SPRY3: variants seen among roughly 807,000 people sequenced by gnomAD.
The protein encoded by SPRY3 is sprouty RTK signaling antagonist 3.
A neutral mutation model predicts 20.2 loss-of-function variants in SPRY3; 15 were observed. The ratio of observed to expected loss-of-function variants is 0.74; its 90% confidence interval spans 0.50 to 1.14. The LOEUF (loss-of-function observed/expected upper bound fraction) is 1.14, where lower values mean the gene tolerates loss of function less well. Ranked by LOEUF, SPRY3 falls within the 50% of genes most tolerant of loss-of-function variation. SPRY3 has a pLI of 0.00. For synonymous variants in SPRY3, 143 were observed against 136.5 expected (o/e 1.05, Z -0.33); for missense variants, 364 against 363.9 (o/e 1.00, Z 0.00).
At chrX:155,775,399 T>C (rs1039330799) in exon 4 of SPRY3, 2 of 167,470 alleles carry the variant, frequency 1.2e-5, no homozygotes, top group African/African-American at 2.4e-5. Flanking sequence ...TTTGTCTCTC[T>C]CTACCTGTCC....
At chrX:155,774,185 C>A in exon 4 of SPRY3, 1 of 1,614,008 alleles carries the variant, frequency 6.2e-7, no homozygotes, top group African/African-American at 1.3e-5. Flanking sequence ...AGCATTACAC[C>A]CTCACCTTCA....
At chrX:155,656,493 T>C (rs113987017) in intron 1 of SPRY3, among the ~76,000 whole-genome samples, 2,123 of 111,060 alleles carry the variant, frequency 0.019, 54 homozygotes, top group African/African-American at 0.067. Context: ...TAGCAGTTCC[T>C]GTAACCTTTT....
At chrX:155,632,326 G>T (rs6567767) in intron 1 of SPRY3, among the ~76,000 whole-genome samples, 1,852 of 110,453 alleles carry the variant, frequency 0.017, 49 homozygotes, top group African/African-American at 0.058. Flanking sequence ...TTAGTGAGAA[G>T]AGCACCACTG....
At chrX:155,760,968 A>G (rs1172416710) in intron 2 of SPRY3, among the ~76,000 whole-genome samples, 1 of 152,078 alleles carries the variant, frequency 6.6e-6, no homozygotes, top group Non-Finnish European at 1.5e-5. Flanking sequence ...TTTGTCTCTA[A>G]TATTGAATGC....
chrX:155,772,426 C>G (rs1262980325), intron 3 of SPRY3, among the ~76,000 whole-genome samples: 3 of 152,116 alleles, frequency 2.0e-5, no homozygotes, highest in Non-Finnish European at 4.4e-5. Flanking sequence ...TTGTTCATTT[C>G]TATTACTCAT....
At chrX:155,635,506 C>G (rs1345774821) in intron 1 of SPRY3, among the ~76,000 whole-genome samples, 2 of 111,343 alleles carry the variant, frequency 1.8e-5, no homozygotes, top group Non-Finnish European at 3.8e-5. Flanking sequence ...AGAACTTAAA[C>G]AAATTTACAT....
chrX:155,705,868 A>G (rs1174723353), intron 2 of SPRY3, among the ~76,000 whole-genome samples: 1 of 151,454 alleles, frequency 6.6e-6, no homozygotes, highest in Non-Finnish European at 1.5e-5. Flanking sequence ...AGCACATAGT[A>G]TATGAAGCAC....
chrX:155,763,690 C>CCATGTGAATTCCTT (rs2091313303), intron 2 of SPRY3, among the ~76,000 whole-genome samples: 2 of 152,252 alleles, frequency 1.3e-5, no homozygotes, highest in East Asian at 3.9e-4. Flanking sequence ...ATCCAGATTT[C>CCATGTGAATTCCTT]CATGTGAATT....
intron 2 of SPRY3, among the ~76,000 whole-genome samples, chrX:155,766,916 A>G (rs1200489652): frequency 1.3e-5 from 2 of 152,166 alleles, no homozygotes; most frequent in Admixed American, 1.3e-4. Flanking sequence ...CACATGAGGA[A>G]GAGGTGGGAG....
intron 2 of SPRY3, among the ~76,000 whole-genome samples, chrX:155,681,972 T>C (rs2068075178): frequency 8.9e-6 from 1 of 112,574 alleles, no homozygotes; most frequent in East Asian, 2.8e-4. Flanking sequence ...CTGATAAAAG[T>C]GGTTACACTA....
intron 2 of SPRY3, among the ~76,000 whole-genome samples, chrX:155,741,568 C>T (rs1372597683): frequency 6.6e-6 from 1 of 151,892 alleles, no homozygotes; most frequent in Non-Finnish European, 1.5e-5. Flanking sequence ...TCTCCAAGGT[C>T]AAAATGAGAG....
At chrX:155,705,889 T>G (rs1320713626) in intron 2 of SPRY3, among the ~76,000 whole-genome samples, 1 of 151,378 alleles carries the variant, frequency 6.6e-6, no homozygotes, top group Non-Finnish European at 1.5e-5. Context: ...TTTAAATTAC[T>G]GAAATTGAAG....
chrX:155,753,718 A>G (rs778179806), intron 2 of SPRY3, among the ~76,000 whole-genome samples: 2 of 152,092 alleles, frequency 1.3e-5, no homozygotes, highest in Admixed American at 6.6e-5. Context: ...CCAGCAGTGT[A>G]TGAGGCTTCC....
chrX:155,764,909 T>C (rs185552775), intron 2 of SPRY3, among the ~76,000 whole-genome samples: 1 of 152,320 alleles, frequency 6.6e-6, no homozygotes, highest in East Asian at 1.9e-4. Flanking sequence ...ATGTATTTCT[T>C]ACAGTTGTAA....
downstream of SPRY3, chrX:155,778,663 T>A (rs1406707116): frequency 6.0e-6 from 1 of 167,116 alleles, no homozygotes. Context: ...TGATGACCAC[T>A]GGTCCGTATA....
chrX:155,777,114 A>G (rs746393764), downstream of SPRY3: 5 of 167,052 alleles, frequency 3.0e-5, no homozygotes, highest in East Asian at 5.8e-4. Context: ...CTTTACACTT[A>G]TCTACCCTGA....
At position 155,721,139 on chromosome X, in the gene SPRY3, C is replaced by T. The variant is rs1254214595; in HGVS notation, c.-281-46823C>T. On this transcript the variant is annotated intron_variant, in intron 2 of 3. Coordinates refer to ENST00000675360, the Ensembl canonical transcript of SPRY3. ...GAAGAAATTCTGGAGCTGAAAAATG[C>T]AGTAGGCATACTGAAGAATGTACCA... Among the ~76,000 whole-genome samples, 5 of 152,100 alleles carry T rather than the reference C, an allele frequency of 3.3e-5. No homozygotes were observed. In the East Asian group the frequency reaches 9.6e-4, roughly 29 times the overall value.
chrX:155,666,138 G>T (rs1346053444), intron 2 of SPRY3, among the ~76,000 whole-genome samples: 4 of 111,390 alleles, frequency 3.6e-5, no homozygotes, highest in Non-Finnish European at 5.7e-5. Context: ...TATGAACATG[G>T]TTGGGCTGTT....
At chrX:155,758,834 T>C (rs981001056) in intron 2 of SPRY3, among the ~76,000 whole-genome samples, 1 of 152,200 alleles carries the variant, frequency 6.6e-6, no homozygotes, top group Admixed American at 6.5e-5. Context: ...AAGTTGGTTC[T>C]TTATGTCTAA....
Sources: allele counts gnomAD v4.1 joint callset (sites outside exome capture counted in the v4.1 genomes callset), GRCh38; gene constraint gnomAD v4.1.1; transcripts MANE v1.5; gene names NCBI Gene and HGNC (gene_info 2026-07-23, HGNC 2026-07-21).